TTC29: variants seen among roughly 807,000 people sequenced by gnomAD.
The protein encoded by TTC29 is tetratricopeptide repeat domain 29, also known as tetratricopeptide repeat protein 29.
A neutral mutation model predicts 58.1 loss-of-function variants in TTC29; 49 were observed. The ratio of observed to expected loss-of-function variants is 0.84; its 90% CI spans 0.67 to 1.07. The LOEUF (loss-of-function observed/expected upper bound fraction) is 1.07, where lower values mean the gene tolerates loss of function less well. Ranked by LOEUF, TTC29 falls within the 50% of genes least tolerant of loss-of-function variation. The pLI is 0.00. For synonymous variants in TTC29, 209 were observed against 196.8 expected (o/e 1.06, Z -0.52); for missense variants, 582 against 555.6 (o/e 1.05, Z -0.48).
At chr4:146,924,061 G>A (rs895587984) in intron 4 of TTC29, among the ~76,000 whole-genome samples, 2 of 151,636 alleles carry the variant, frequency 1.3e-5, no homozygotes, top group African/African-American at 4.8e-5. Context: ...AATATTACTG[G>A]TTTTATTTTT....
intron 6 of TTC29, among the ~76,000 whole-genome samples, chr4:146,879,462 A>C (rs1035782824): frequency 1.3e-5 from 2 of 152,164 alleles, no homozygotes; most frequent in African/African-American, 4.8e-5. Context: ...TTAACTGAAA[A>C]TTTTAAATTC....
rs373663679 is a variant in TTC29, at chr4:146,931,163, T to A, written c.176+6431A>T. On this transcript the variant is annotated intron_variant, in intron 4 of 12. Coordinates refer to ENST00000325106, the MANE Select transcript of TTC29 (RefSeq NM_031956.4). ...TTGAAGTTCAATCTGGGCAACATAG[T>A]GAGACCCTGTCTCTACAAAAAAAAA... Among the ~76,000 whole-genome samples, 40 of 152,118 alleles carry A rather than the reference T, an allele frequency of 2.6e-4. No homozygotes were observed. In the East Asian group the frequency reaches 7.3e-3, roughly 28 times the overall value.
intron 11 of TTC29, among the ~76,000 whole-genome samples, chr4:146,770,067 T>A (rs1747613898): frequency 6.6e-6 from 1 of 151,996 alleles, no homozygotes; most frequent in Non-Finnish European, 1.5e-5. Flanking sequence ...AGGCTTATAA[T>A]TCCAGCGGTT....
chr4:146,895,636 G>C (rs1369950691), intron 6 of TTC29, among the ~76,000 whole-genome samples: 1 of 152,164 alleles, frequency 6.6e-6, no homozygotes, highest in Non-Finnish European at 1.5e-5. Context: ...CCAGTAGCTA[G>C]GTGGTTAAGA....
At chr4:146,745,782 G>T (rs1281731424) in intron 11 of TTC29, among the ~76,000 whole-genome samples, 3 of 152,084 alleles carry the variant, frequency 2.0e-5, no homozygotes, top group African/African-American at 7.2e-5. Context: ...ATACATAAAG[G>T]CTACCCAATA....
At chr4:146,886,125 C>T (rs1344664459) in intron 6 of TTC29, among the ~76,000 whole-genome samples, 1 of 152,134 alleles carries the variant, frequency 6.6e-6, no homozygotes, top group African/African-American at 2.4e-5. Flanking sequence ...TATCTGAATA[C>T]TGATGCTGTC....
intron 11 of TTC29, among the ~76,000 whole-genome samples, chr4:146,754,673 A>T (rs1333092506): frequency 6.6e-6 from 1 of 152,238 alleles, no homozygotes; most frequent in African/African-American, 2.4e-5. Context: ...TTAAAACCAC[A>T]AGATTATCTC....
intron 8 of TTC29, among the ~76,000 whole-genome samples, chr4:146,834,283 T>G (rs1728364547): frequency 6.6e-6 from 1 of 152,226 alleles, no homozygotes; most frequent in Non-Finnish European, 1.5e-5. Context: ...AATATCACTT[T>G]TCTTTCTAAA....
intron 10 of TTC29, among the ~76,000 whole-genome samples, chr4:146,811,097 T>A (rs188192286): frequency 2.4e-4 from 36 of 152,260 alleles, no homozygotes; most frequent in East Asian, 1.2e-3. Context: ...CTTCAAGAAG[T>A]CCTTTGCAAC....
At chr4:146,860,407 T>C (rs1435402388) in intron 8 of TTC29, among the ~76,000 whole-genome samples, 1 of 152,198 alleles carries the variant, frequency 6.6e-6, no homozygotes, top group African/African-American at 2.4e-5. Context: ...TAAATATATA[T>C]CAAATAAAAA....
intron 4 of TTC29, among the ~76,000 whole-genome samples, chr4:146,925,671 G>T (rs886741401): frequency 6.6e-6 from 1 of 151,988 alleles, no homozygotes; most frequent in Non-Finnish European, 1.5e-5. Context: ...CCCTTAATCA[G>T]CAATGCATTT....
intron 9 of TTC29, among the ~76,000 whole-genome samples, chr4:146,820,831 G>C (rs536211733): frequency 6.6e-6 from 1 of 152,216 alleles, no homozygotes; most frequent in Admixed American, 6.5e-5. Flanking sequence ...AGGAGATTGA[G>C]ACCATCCTGG....
At chr4:146,804,066 G>A (rs1579712169) in intron 10 of TTC29, among the ~76,000 whole-genome samples, 2 of 152,300 alleles carry the variant, frequency 1.3e-5, no homozygotes, top group African/African-American at 4.8e-5. Flanking sequence ...TCTTTGGGAA[G>A]TGTTAGACAG....
At chr4:146,936,096 G>A (rs909166788) in intron 4 of TTC29, among the ~76,000 whole-genome samples, 1 of 152,180 alleles carries the variant, frequency 6.6e-6, no homozygotes, top group Admixed American at 6.5e-5. Context: ...TGAAGTGCAG[G>A]AAACTTTAAG....
chr4:146,848,262 T>C (rs1015055199), intron 8 of TTC29, among the ~76,000 whole-genome samples: 6 of 152,212 alleles, frequency 3.9e-5, no homozygotes, highest in Non-Finnish European at 7.3e-5. Context: ...TATACTTTTA[T>C]TGACTGAATA....
At chr4:146,831,554 T>C (rs1207439949) in intron 9 of TTC29, 2 of 251,984 alleles carry the variant, frequency 7.9e-6, no homozygotes, top group East Asian at 8.8e-5. Flanking sequence ...CAAATTCAAC[T>C]TCATGATATA....
intron 2 of TTC29, among the ~76,000 whole-genome samples, 200 bp from the exon 3 acceptor site, chr4:146,940,101 C>T (rs950155984): frequency 1.3e-5 from 2 of 152,120 alleles, no homozygotes; most frequent in Admixed American, 1.3e-4. Flanking sequence ...CCATTGTCTG[C>T]TTTTTGGCCA....
At chr4:146,888,108 T>C (rs997681340) in intron 6 of TTC29, among the ~76,000 whole-genome samples, 2 of 152,150 alleles carry the variant, frequency 1.3e-5, no homozygotes, top group Non-Finnish European at 2.9e-5. Context: ...AGGACAAAGA[T>C]ATGAAACTCT....
rs922923063 is a variant in TTC29, at chr4:146,810,834, C to T, written c.1102-7149G>A. ...TTCAAACTCCTGACCTCAAGTGATC[C>T]ACCCGCCTCCGCTTCCCAAAGTGCT... On this transcript the variant is annotated intron_variant, in intron 10 of 12. Transcript: ENST00000325106. Among the ~76,000 whole-genome samples the T allele has an allele frequency of 2.0e-5, 3 of 152,124 alleles. No individual in the cohort carries two copies. In the South Asian group the frequency reaches 6.2e-4, roughly 32 times the overall value.
Sources: gnomAD v4.1 joint callset for allele counts (sites outside exome capture counted in the v4.1 genomes callset) on GRCh38, gnomAD v4.1.1 for gene constraint, MANE v1.5 for transcripts, NCBI Gene and HGNC (gene_info 2026-07-23, HGNC 2026-07-21) for gene names.